Variants in FOXK2 observed in about 807,000 individuals in gnomAD.
FOXK2 encodes forkhead box protein K2.
A neutral mutation model predicts 53.3 loss-of-function variants in FOXK2; 24 were observed. That is an observed-to-expected ratio of 0.45 (90% CI 0.33 to 0.63). The LOEUF is 0.63. Among genes scored for constraint, FOXK2 ranks in the 30% least tolerant of loss-of-function variants. The pLI, the probability that FOXK2 is intolerant of heterozygous loss-of-function variation, is 0.03. For missense variants in FOXK2, 952 were observed against 910.5 expected, an observed-to-expected ratio of 1.05 and a Z score of -0.59; for synonymous variants, 505 against 407.1, an observed-to-expected ratio of 1.24 and a Z score of -2.89.
Position 82,530,288 on chromosome 17 carries a change from C to G in FOXK2, c.419+9981C>G, listed in dbSNP as rs62078093. On this transcript the variant is annotated intron_variant, in intron 1 of 8. Transcript: ENST00000335255. ...GGCGGATCTCCTGAGATCGGGAGTTCGAGACCAGCCTGACCAACATGGAGA... is the reference window on the plus strand; with the variant it reads ...GGCGGATCTCCTGAGATCGGGAGTTGGAGACCAGCCTGACCAACATGGAGA... Among the ~76,000 whole-genome samples the G allele has an allele frequency of 8.6e-3, 1,312 of 151,798 alleles. 21 individuals are homozygous for G. The highest frequency in any genetic ancestry group is 0.03 in the African/African-American group (1,244 of 41,400).
At chr17:82,537,201 A>T (rs1278759597) in intron 1 of FOXK2, among the ~76,000 whole-genome samples, 5 of 152,296 alleles carry the variant, frequency 3.3e-5, no homozygotes, top group Non-Finnish European at 5.9e-5. Flanking sequence ...TAGGAAGGTT[A>T]TTCCTGAGAA....
At chr17:82,597,400 C>T (rs754798531) in intron 8 of FOXK2, among the ~76,000 whole-genome samples, 1 of 152,190 alleles carries the variant, frequency 6.6e-6, no homozygotes, top group South Asian at 2.1e-4. Context: ...CCCGGGGCTG[C>T]AGGGCTGATG....
At chr17:82,527,888 A>G (rs2044433871) in intron 1 of FOXK2, among the ~76,000 whole-genome samples, 1 of 152,078 alleles carries the variant, frequency 6.6e-6, no homozygotes, top group South Asian at 2.1e-4. Context: ...GCAGCCTTGA[A>G]CTCCTGGACT....
intron 1 of FOXK2, among the ~76,000 whole-genome samples, chr17:82,556,709 AT>A (rs367888516): frequency 2.7e-5 from 4 of 150,012 alleles, no homozygotes; most frequent in Admixed American, 6.7e-5. Flanking sequence ...TTTTATTTTT[AT>A]TTTTTTTTGA....
intron 2 of FOXK2, among the ~76,000 whole-genome samples, chr17:82,566,633 G>A (rs1034618542): frequency 6.6e-6 from 1 of 152,202 alleles, no homozygotes; most frequent in Non-Finnish European, 1.5e-5. Flanking sequence ...CCCACTTCAA[G>A]TGTGACTGAC....
In FOXK2 at chr17:82,519,742, G is replaced by GCCGCTCGCTCGCTCGCCGGCCGGCGGCCT. The variant is rs1442361292; in HGVS notation, c.-139_-111dup. On this transcript the variant is annotated 5_prime_UTR_variant, in exon 1 of 9. Transcript: ENST00000335255. ...GCCGCGCGTGCTCCCGCCCCTCGCC[G>GCCGCTCGCTCGCTCGCCGGCCGGCGGCCT]CCGCTCGCTCGCTCGCCGGCCGGCG... 6 of 176,800 alleles carry GCCGCTCGCTCGCTCGCCGGCCGGCGGCCT rather than the reference G, an allele frequency of 3.4e-5. No homozygotes were observed. The highest frequency in any genetic ancestry group is 9.7e-5 in the African/African-American group (4 of 41,256). 11.0% of individuals were successfully genotyped at this position (176,800 alleles called of 1,614,324 possible).
Position 82,582,778 on chromosome 17 carries a change from T to G in FOXK2, c.947T>G (p.Phe316Cys). Residue 316 changes from phenylalanine to cysteine, a missense_variant, in exon 5 of 9, where the codon TTC becomes TGC. This residue lies in a region of FOXK2 where 160 missense variants were observed against 214.2 expected (regional missense o/e 0.75). Coordinates refer to ENST00000335255, the MANE Select transcript of FOXK2 (RefSeq NM_004514.4). ...IRHNLSLNRYFIKVPRSQEEP... is the reference protein window; with the variant it reads ...IRHNLSLNRYCIKVPRSQEEP... ...CACAATCTCTCTCTGAATCGTTATT[T>G]CATCAAAGTGCCGCGTTCCCAGGAA... 6.2e-7 allele frequency: 1 copy of G among 1,603,960 alleles called. No homozygotes were observed.
intron 1 of FOXK2, among the ~76,000 whole-genome samples, chr17:82,526,588 T>C (rs1053878684): frequency 1.3e-5 from 2 of 151,800 alleles, no homozygotes; most frequent in Non-Finnish European, 2.9e-5. Flanking sequence ...CCCAGCACTT[T>C]GGGAGGCCGA....
At chr17:82,526,842 AAAAAG>A (rs2044423534) in intron 1 of FOXK2, among the ~76,000 whole-genome samples, 1 of 152,032 alleles carries the variant, frequency 6.6e-6, no homozygotes, top group Non-Finnish European at 1.5e-5. Flanking sequence ...AAAAAAAAAA[AAAAAG>A]AAAGAAATGG....
At chr17:82,536,270 TTC>T (rs1338802234) in intron 1 of FOXK2, among the ~76,000 whole-genome samples, 1 of 152,218 alleles carries the variant, frequency 6.6e-6, no homozygotes, top group Non-Finnish European at 1.5e-5. Flanking sequence ...CCAGAATAGT[TTC>T]TGTCAGTTTT....
intron 1 of FOXK2, among the ~76,000 whole-genome samples, chr17:82,520,635 T>C (rs1191808527): frequency 6.6e-6 from 1 of 152,248 alleles, no homozygotes; most frequent in Admixed American, 6.5e-5. Flanking sequence ...GTTTCTATTC[T>C]GCAGCGAGGT....
chr17:82,542,284 C>T (rs749206893), intron 1 of FOXK2, among the ~76,000 whole-genome samples: 1 of 151,908 alleles, frequency 6.6e-6, no homozygotes, highest in Admixed American at 6.6e-5. Context: ...GCCTCAGCCT[C>T]CCGAGTAGCT....
chr17:82,520,154 G>T lies in FOXK2; in HGVS notation c.266G>T (p.Gly89Val). ...HLEIFTPPGG[G>V]GHGGAAPELP... ...GAGATCTTCACGCCCCCGGGCGGCG[G>T]CGGCCATGGCGGGGCCGCTCCGGAG... is the stretch of plus-strand genomic sequence containing the variant. The change falls in exon 1 of 9, where the codon GGC becomes GTC. Residue 89 changes from glycine to valine, a missense_variant. This residue lies in a region of FOXK2 where 163 missense variants were observed against 165.5 expected (regional missense o/e 0.98). Transcript: ENST00000335255. The T allele has an allele frequency of 6.6e-7, 1 of 1,516,730 alleles. No homozygotes were observed. The highest frequency in any genetic ancestry group is 8.8e-7 in the Non-Finnish European group (1 of 1,132,040). The allele number at this position is 1,516,730 out of a possible 1,614,324, so 94.0% of individuals were successfully genotyped here.
intron 1 of FOXK2, among the ~76,000 whole-genome samples, chr17:82,542,104 C>T (rs1225645958): frequency 6.6e-6 from 1 of 151,732 alleles, no homozygotes; most frequent in South Asian, 2.1e-4. Context: ...TGGTCTTGAA[C>T]TCCTGGCCTC....
chr17:82,533,096 A>G (rs1328271606), intron 1 of FOXK2, among the ~76,000 whole-genome samples: 3 of 152,188 alleles, frequency 2.0e-5, no homozygotes, highest in Non-Finnish European at 2.9e-5. Context: ...TCCGGTGATA[A>G]CGGCTTCTTC....
intron 4 of FOXK2, chr17:82,577,360 C>T (rs2045000535): frequency 3.2e-6 from 2 of 633,652 alleles, no homozygotes; most frequent in Admixed American, 4.7e-5. Flanking sequence ...AGGAGAAAGA[C>T]AGCACAAAGC....
At chr17:82,564,074 G>A (rs1887031602) in intron 2 of FOXK2, among the ~76,000 whole-genome samples, 1 of 138,140 alleles carries the variant, frequency 7.2e-6, no homozygotes, top group Admixed American at 7.4e-5. Flanking sequence ...TTTAAAAGAT[G>A]TTTTTAAAGT....
intron 1 of FOXK2, among the ~76,000 whole-genome samples, chr17:82,524,540 G>C (rs2044398504): frequency 6.6e-6 from 1 of 152,194 alleles, no homozygotes; most frequent in South Asian, 2.1e-4. Context: ...TTCCACAGTG[G>C]CTGGGGAGCC....
intron 1 of FOXK2, among the ~76,000 whole-genome samples, chr17:82,556,518 G>T (rs2144102253): frequency 6.6e-6 from 1 of 151,410 alleles, no homozygotes; most frequent in African/African-American, 2.4e-5. Flanking sequence ...ACGTGGAGAG[G>T]CTCACACTTA....
Sources: gnomAD v4.1 joint callset for allele counts (sites outside exome capture counted in the v4.1 genomes callset) on GRCh38, gnomAD v4.1.1 for gene constraint, gnomAD v4.1.1 regional missense constraint, MANE v1.5 for transcripts, NCBI Gene and HGNC (gene_info 2026-07-23, HGNC 2026-07-21) for gene names.